The following LBR variants were observed in gnomAD, a reference collection of about 807,000 sequenced individuals.
The protein encoded by LBR is lamin B receptor.
A neutral mutation model predicts 74.3 loss-of-function variants in LBR; 28 were observed. The observed-to-expected ratio is 0.38, with a 90% CI of 0.28 to 0.52. The LOEUF (loss-of-function observed/expected upper bound fraction) is 0.52, where lower values mean the gene tolerates loss of function less well. LBR is among the 20% of genes least tolerant of loss of function. LBR has a pLI of 0.89. For synonymous variants in LBR, 228 were observed against 269.3 expected (o/e 0.85, Z 1.50); for missense variants, 717 against 760.3 (o/e 0.94, Z 0.67).
intron 11 of LBR, among the ~76,000 whole-genome samples, chr1:225,405,725 C>T (rs1283629940): frequency 1.3e-5 from 2 of 152,120 alleles, no homozygotes; most frequent in Non-Finnish European, 2.9e-5. Context: ...CTATTCTGTT[C>T]GAGCAGCACA....
intron 6 of LBR, among the ~76,000 whole-genome samples, chr1:225,417,084 T>C (rs910024489): frequency 2.0e-5 from 3 of 152,160 alleles, no homozygotes; most frequent in Admixed American, 2.0e-4. Flanking sequence ...TCCTTGATAC[T>C]CTGAAATCAC....
chr1:225,412,467 C>T lies in LBR; in HGVS notation c.1071G>A (p.Ser357=), dbSNP rs112582692. The change falls in exon 8 of 14, where the codon TCG becomes TCA. Residue 357 remains serine (S), a synonymous_variant. Transcript: ENST00000272163. ...RSLKAPRNDL[S]PASSGNAVYD... ...ATCACTGCTCACCAGAGCTGGCAGGCGACAGGTCATTCCGGGGCGCTTTCA... is the reference window on the plus strand; with the variant it reads ...ATCACTGCTCACCAGAGCTGGCAGGTGACAGGTCATTCCGGGGCGCTTTCA... 78,218 of 1,613,868 alleles carry T rather than the reference C, an allele frequency of 0.048. 2,075 individuals carry two copies. Among genetic ancestry groups the T allele is most frequent in the South Asian group, 0.056 (5,092 of 91,074 alleles).
chr1:225,405,142 T>C (rs770289368), intron 11 of LBR, among the ~76,000 whole-genome samples: 3 of 152,208 alleles, frequency 2.0e-5, no homozygotes, highest in Non-Finnish European at 4.4e-5. Flanking sequence ...CTACTGGCCA[T>C]GGCACAAACA....
rs751082807 is a variant in LBR, at chr1:225,411,365, C to T, written c.1160G>A (p.Cys387Tyr). 6.2e-7 allele frequency: 1 copy of T among 1,613,944 alleles called. No individual in the cohort carries two copies. The highest frequency in any genetic ancestry group is 1.3e-5 in the African/African-American group (1 of 75,022). ...RIGTFDLKYF[C>Y]ELRPGLIGWV... ...TCCAATCAATCCGGGGCGCAATTCA[C>T]AAAAGTATTTGAGATCAAAAGTACC... Residue 387 changes from cysteine (C) to tyrosine (Y), a missense_variant, in exon 9 of 14, where the codon TGT (cysteine) becomes TAT (tyrosine). Physicochemically the swap from Cys to Tyr is radical, Grantham distance 194. Transcript: ENST00000272163.
chr1:225,414,132 G>A (rs925018061), intron 7 of LBR: 2 of 456,592 alleles, frequency 4.4e-6, no homozygotes, highest in Non-Finnish European at 8.8e-6. Flanking sequence ...TTTGGTAAAA[G>A]CAACAAAAAG....
intron 1 of LBR, among the ~76,000 whole-genome samples, chr1:225,424,314 G>T (rs983252223): frequency 6.6e-6 from 1 of 152,152 alleles, no homozygotes; most frequent in Non-Finnish European, 1.5e-5. Context: ...GTATATAGGC[G>T]CCATAAGTTC....
chr1:225,403,106 T>C lies in LBR; in HGVS notation c.*197A>G, dbSNP rs933747456. 8 of 580,070 alleles carry C rather than the reference T, an allele frequency of 1.4e-5. No individual in the cohort carries two copies. The highest frequency in any genetic ancestry group is 3.7e-5 in the African/African-American group (2 of 53,510). 35.9% of individuals were successfully genotyped at this position (580,070 alleles called of 1,614,324 possible). A position where few individuals can be genotyped will look rare whatever the true frequency, so the allele number is the denominator to read the frequency against. On this transcript the variant is annotated 3_prime_UTR_variant, in exon 14 of 14. Transcript: ENST00000272163. ...CACATCCTTACTTGTATTTTTCCTA[T>C]GTTAACTGTAAGTTAATACAAGTAA...
At position 225,411,371 on chromosome 1, in the gene LBR, T is replaced by C. The variant is rs199944519; in HGVS notation, c.1154A>G (p.Tyr385Cys). ...NPRIGTFDLK[Y>C]FCELRPGLIG... ...CAATCCGGGGCGCAATTCACAAAAG[T>C]ATTTGAGATCAAAAGTACCAATTCG... is the stretch of plus-strand genomic sequence containing the variant. The change falls in exon 9 of 14, where the codon TAC becomes TGC. Residue 385 changes from tyrosine (Y) to cysteine (C), a missense_variant. By Grantham distance (194) the Tyr-to-Cys change is radical. Coordinates refer to ENST00000272163, the MANE Select transcript of LBR (RefSeq NM_002296.4). 6 of 1,614,056 alleles carry C rather than the reference T, an allele frequency of 3.7e-6. No homozygotes were observed. Among genetic ancestry groups the C allele is most frequent in the Admixed American group, 3.3e-5 (2 of 60,024 alleles).
chr1:225,423,137 T>G (rs74146928), intron 2 of LBR, among the ~76,000 whole-genome samples: 2,530 of 152,352 alleles, frequency 0.017, 58 homozygotes, highest in African/African-American at 0.057. Context: ...ATGGAAATGT[T>G]TATAGCATTT....
intron 6 of LBR, chr1:225,417,580 T>C (rs1008918308): frequency 1.2e-5 from 2 of 163,902 alleles, no homozygotes; most frequent in African/African-American, 4.8e-5. Context: ...TCATTTAAAA[T>C]GCTGCATCTG....
rs753928092 is a variant in LBR, at chr1:225,413,875, T to C, written c.893-1230A>G. On this transcript the variant is annotated intron_variant, in intron 7 of 13. Coordinates refer to ENST00000272163, the MANE Select transcript of LBR (RefSeq NM_002296.4). The stretch of plus-strand genomic sequence containing the variant: ...TCCCCCACTGGCTCCAAGAGCTCCA[T>C]GTCCAAGTGCTGTGCTCAGTCTCTG... The C allele has an allele frequency of 2.3e-5, 10 of 439,224 alleles. No individual in the cohort carries two copies. In the Middle Eastern group the frequency reaches 1.7e-3, roughly 73 times the overall value. 27.2% of individuals were successfully genotyped at this position (439,224 alleles called of 1,614,324 possible). A position where few individuals can be genotyped will look rare whatever the true frequency, so the allele number is the denominator to read the frequency against.
intron 1 of LBR, among the ~76,000 whole-genome samples, chr1:225,426,680 T>G (rs541470898): frequency 1.3e-5 from 2 of 152,348 alleles, no homozygotes; most frequent in South Asian, 4.1e-4. Flanking sequence ...GACGCTCGAA[T>G]GACGTTGGAC....
rs1243133804 is a variant in LBR at position 225,403,286 on chromosome 1, G to T, written c.*17C>A. 6.2e-7 allele frequency: 1 copy of T among 1,612,710 alleles called. No homozygotes were observed. The highest frequency in any genetic ancestry group is 1.7e-5 in the Admixed American group (1 of 59,984). On this transcript the variant is annotated 3_prime_UTR_variant, in exon 14 of 14. Coordinates refer to ENST00000272163, the MANE Select transcript of LBR (RefSeq NM_002296.4). ...GCTGGAATTGCAGGAGTATTTTGTA[G>T]AAAAGCCAGAAGAGCATTAGTAGAT...
At chr1:225,412,309 G>GTTTTTCTTCATCTTTTCAT (rs1575223127) in intron 8 of LBR, 145 bp downstream of exon 8, 2 of 737,922 alleles carry the variant, frequency 2.7e-6, no homozygotes, top group East Asian at 5.4e-5. Flanking sequence ...TCTCTTTAAC[G>GTTTTTCTTCATCTTTTCAT]TTTTTCTTCA....
chr1:225,427,027 A>C (rs1395878844), intron 1 of LBR, among the ~76,000 whole-genome samples: 1 of 152,220 alleles, frequency 6.6e-6, no homozygotes, highest in Non-Finnish European at 1.5e-5. Flanking sequence ...ACACGTGTTT[A>C]CGTGCAAGGT....
In LBR at chr1:225,402,449, G is replaced by A. The variant is rs988692952; in HGVS notation, c.*854C>T. On this transcript the variant is annotated 3_prime_UTR_variant, in exon 14 of 14. Coordinates refer to ENST00000272163, the MANE Select transcript of LBR (RefSeq NM_002296.4). ...AAACACCTGCAATTGAGGTAGCAAA[G>A]CCAAATTCACAAACTTTGGATCAAG... 7 of 152,376 alleles carry A rather than the reference G, an allele frequency of 4.6e-5. No individual in the cohort carries two copies. The highest frequency in any genetic ancestry group is 4.6e-4 in the Admixed American group (7 of 15,258). 9.4% of individuals were successfully genotyped at this position (152,376 alleles called of 1,614,324 possible).
At chr1:225,419,654 C>T (rs2096123979) in intron 4 of LBR, 61 bp downstream of exon 4, 2 of 1,239,810 alleles carry the variant, frequency 1.6e-6, no homozygotes, top group Non-Finnish European at 2.3e-6. Flanking sequence ...AAGGGAGAGT[C>T]ACTTTTAACC....
At position 225,422,225 on chromosome 1, in the gene LBR, G is replaced by C. The variant is rs773644529; in HGVS notation, c.218C>G (p.Ser73Cys). ...CCTTGATCGACTCCCTCGGCGTCTG[G>C]AAGGGGAACTGGAAGTTGAGCCACC... The part of the protein sequence containing the change: ...RKGGSTSSSP[S>C]RRRGSRSRSR... The change falls in exon 3 of 14, where the codon TCC becomes TGC. Residue 73 changes from serine to cysteine, a missense_variant. Ser to Cys is a moderately radical substitution (Grantham distance 112, BLOSUM62 -1). Coordinates refer to ENST00000272163, the MANE Select transcript of LBR (RefSeq NM_002296.4). The C allele has an allele frequency of 1.9e-6, 3 of 1,613,948 alleles. No individual in the cohort carries two copies. The South Asian group carries it at 3.3e-5, about 18-fold the overall frequency.
chr1:225,418,067 C>T lies in LBR; in HGVS notation c.754G>A (p.Glu252Lys). 3 of 1,614,168 alleles carry T rather than the reference C, an allele frequency of 1.9e-6. No individual in the cohort carries two copies. The highest frequency in any genetic ancestry group is 2.5e-6 in the Non-Finnish European group (3 of 1,180,020). ...CCAAATACTCTGGTTTCCCATAACT[C>T]ATACAAAGCTGGCAAAGGAGGAGGG... ...NFPPPLPALY[E>K]LWETRVFGVY... is the part of the protein sequence containing the mutation. Residue 252 changes from glutamate (E) to lysine (K), a missense_variant, in exon 6 of 14, where the codon GAG becomes AAG. Coordinates refer to ENST00000272163, the MANE Select transcript of LBR (RefSeq NM_002296.4).
Sources: allele counts gnomAD v4.1 joint callset (sites outside exome capture counted in the v4.1 genomes callset), GRCh38; gene constraint gnomAD v4.1.1; transcripts MANE v1.5; gene names NCBI Gene and HGNC (gene_info 2026-07-23, HGNC 2026-07-21).